Variants in MCM9 observed in about 807,000 individuals in gnomAD.
MCM9 encodes the protein minichromosome maintenance 9 homologous recombination repair factor.
A neutral mutation model predicts 72.8 loss-of-function variants in MCM9; 55 were observed. The ratio of observed to expected loss-of-function variants is 0.76; its 90% CI spans 0.61 to 0.95. MCM9 has a LOEUF of 0.95. MCM9 is among the 40% of genes least tolerant of loss of function. The pLI, the probability that MCM9 is intolerant of heterozygous loss-of-function variation, is 0.00. For missense variants in MCM9, 1,279 were observed against 1,377.0 expected, an observed-to-expected ratio of 0.93 and a Z score of 1.13; for synonymous variants, 480 against 503.4, an observed-to-expected ratio of 0.95 and a Z score of 0.62.
At chr6:118,838,654 C>T (rs1031359182) in intron 9 of MCM9, among the ~76,000 whole-genome samples, 2 of 152,158 alleles carry the variant, frequency 1.3e-5, no homozygotes, top group Non-Finnish European at 2.9e-5. Context: ...ATCTCCTGAC[C>T]TCGTGATCCG....
At position 118,815,113 on chromosome 6, in the gene MCM9, C is replaced by A; in HGVS notation, c.3143G>T (p.Gly1048Val). The A allele has an allele frequency of 1.3e-6, 2 of 1,550,632 alleles. No individual in the cohort carries two copies. The highest frequency in any genetic ancestry group is 1.7e-6 in the Non-Finnish European group (2 of 1,147,018). The change falls in exon 14 of 14, where the codon GGC (glycine) becomes GTC (valine). Residue 1048 changes from glycine to valine, a missense_variant. Transcript: ENST00000619706. ...KEEVSGSNKS[G>V]KVHACTLARL... ...GGCTAATGTGCAGGCATGAACCTTG[C>A]CGCTTTTATTACTGCCTGAAACCTC...
chr6:118,843,196 AC>A (rs1021262298), intron 9 of MCM9, among the ~76,000 whole-genome samples: 4 of 152,132 alleles, frequency 2.6e-5, no homozygotes, highest in African/African-American at 9.7e-5. Flanking sequence ...TGTGCCACCC[AC>A]AGGAAAACAC....
At chr6:118,848,313 T>C (rs1431976157) in intron 9 of MCM9, among the ~76,000 whole-genome samples, 1 of 151,806 alleles carries the variant, frequency 6.6e-6, no homozygotes, top group East Asian at 1.9e-4. Flanking sequence ...ATGATATTAT[T>C]TAAAGTTCCC....
chr6:118,818,510 C>G (rs749062998), intron 13 of MCM9, among the ~76,000 whole-genome samples: 8 of 152,126 alleles, frequency 5.3e-5, no homozygotes, highest in African/African-American at 7.2e-5. Flanking sequence ...GTACCAGCAC[C>G]ATGCTGTTTT....
chr6:118,821,054 T>C (rs1351000474), intron 13 of MCM9, among the ~76,000 whole-genome samples: 1 of 152,204 alleles, frequency 6.6e-6, no homozygotes, highest in Non-Finnish European at 1.5e-5. Flanking sequence ...TACAGCACAC[T>C]GATGGGTCTT....
At chr6:118,928,697 A>T (rs10457347) in intron 3 of MCM9, among the ~76,000 whole-genome samples, 1,546 of 149,524 alleles carry the variant, frequency 0.01, 29 homozygotes, top group African/African-American at 0.036. Flanking sequence ...AAAAAAAAAA[A>T]TTTAAATAGC....
chr6:118,901,410 T>C (rs1318389014), intron 8 of MCM9, among the ~76,000 whole-genome samples: 3 of 152,216 alleles, frequency 2.0e-5, no homozygotes, highest in South Asian at 2.1e-4. Context: ...TCTTGGGTCA[T>C]TGGAATGACA....
chr6:118,828,854 G>A (rs866366754), intron 10 of MCM9, among the ~76,000 whole-genome samples, 194 bp downstream of exon 10: 6 of 152,094 alleles, frequency 3.9e-5, no homozygotes, highest in Admixed American at 2.0e-4. Flanking sequence ...GGTAGAGAAA[G>A]GCCCTTTTCC....
Position 118,882,791 on chromosome 6 carries a change from A to G in MCM9, c.1151-26246T>C, listed in dbSNP as rs375392919. Reference sequence around the variant, plus strand: ...ACTGTGAGGAGACACAGACTTCAAGAAATGAACCTAGCCAAGTTACTAAAC... The same window carrying G: ...ACTGTGAGGAGACACAGACTTCAAGGAATGAACCTAGCCAAGTTACTAAAC... On this transcript the variant is annotated intron_variant, in intron 8 of 13. Coordinates refer to ENST00000619706, the MANE Select transcript of MCM9 (RefSeq NM_017696.3). Among the ~76,000 whole-genome samples, 5 of 152,188 alleles carry G rather than the reference A, an allele frequency of 3.3e-5. No homozygotes were observed. In the East Asian group the frequency reaches 5.8e-4, roughly 18 times the overall value.
At chr6:118,891,264 A>T (rs1486169212) in intron 8 of MCM9, among the ~76,000 whole-genome samples, 2 of 152,200 alleles carry the variant, frequency 1.3e-5, no homozygotes, top group African/African-American at 2.4e-5. Flanking sequence ...TGGCTAAAGG[A>T]CCACATCATT....
chr6:118,843,286 CA>C (rs1263444498), intron 9 of MCM9, among the ~76,000 whole-genome samples: 2 of 150,258 alleles, frequency 1.3e-5, no homozygotes, highest in Non-Finnish European at 3.0e-5. Flanking sequence ...TGCTTATTTT[CA>C]AAAAAAGAAC....
At chr6:118,930,744 C>T (rs1188648158) in intron 3 of MCM9, among the ~76,000 whole-genome samples, 1 of 152,114 alleles carries the variant, frequency 6.6e-6, no homozygotes, top group Admixed American at 6.5e-5. Flanking sequence ...GAAATTACTT[C>T]CATGCAATGA....
intron 8 of MCM9, chr6:118,909,242 C>A (rs1780368636): frequency 1.3e-5 from 2 of 152,102 alleles, no homozygotes; most frequent in African/African-American, 2.4e-5. Flanking sequence ...AGCCAAATCA[C>A]CAAATAAAGC....
chr6:118,910,593 A>G (rs1386277561), intron 8 of MCM9: 2 of 980,268 alleles, frequency 2.0e-6, no homozygotes, highest in Non-Finnish European at 2.4e-6. Flanking sequence ...AACATTCCAC[A>G]TAATTACTTG....
At chr6:118,932,143 T>C (rs1281265598) in intron 2 of MCM9, among the ~76,000 whole-genome samples, 1 of 152,230 alleles carries the variant, frequency 6.6e-6, no homozygotes, top group Non-Finnish European at 1.5e-5. Flanking sequence ...TATGCTTAGA[T>C]ACATAGATAC....
chr6:118,854,970 A>G (rs1776462662), intron 9 of MCM9, among the ~76,000 whole-genome samples: 1 of 152,196 alleles, frequency 6.6e-6, no homozygotes, highest in Non-Finnish European at 1.5e-5. Flanking sequence ...TTTTATAACA[A>G]TATTTCTCAG....
At chr6:118,861,888 C>T (rs558334126) in intron 8 of MCM9, among the ~76,000 whole-genome samples, 1 of 152,306 alleles carries the variant, frequency 6.6e-6, no homozygotes, top group African/African-American at 2.4e-5. Context: ...AATGAATCTG[C>T]CTGCTTCCTG....
At chr6:118,856,298 C>A (rs908692527) in intron 9 of MCM9, 73 bp downstream of exon 9, 63 of 1,401,732 alleles carry the variant, frequency 4.5e-5, no homozygotes, top group Non-Finnish European at 5.5e-5. Flanking sequence ...TATAGCTCAA[C>A]AAGGTTCACA....
intron 8 of MCM9, among the ~76,000 whole-genome samples, chr6:118,871,645 G>A (rs967505221): frequency 4.6e-5 from 7 of 152,174 alleles, no homozygotes; most frequent in Admixed American, 1.3e-4. Flanking sequence ...GGCCAGGCAC[G>A]GTGGCTCACG....
Sources: gnomAD v4.1 joint callset for allele counts (sites outside exome capture counted in the v4.1 genomes callset) on GRCh38, gnomAD v4.1.1 for gene constraint, MANE v1.5 for transcripts, NCBI Gene and HGNC (gene_info 2026-07-23, HGNC 2026-07-21) for gene names.